The following RXRA variants were observed in gnomAD, a reference collection of about 807,000 sequenced individuals.
RXRA encodes retinoic acid receptor RXR-alpha.
Under a neutral mutation model 44.5 loss-of-function variants are expected in RXRA, and 5 were observed. That is an observed-to-expected ratio of 0.11 (90% CI 0.06 to 0.24). The LOEUF is 0.24. Among genes scored for constraint, RXRA ranks in the 10% least tolerant of loss-of-function variants. RXRA has a pLI of 1.00. For missense variants in RXRA, 412 were observed against 646.5 expected (o/e 0.64, Z 3.93); for synonymous variants, 291 against 271.4 (o/e 1.07, Z -0.71).
intron 1 of RXRA, among the ~76,000 whole-genome samples, chr9:134,356,829 G>A (rs1413219072): frequency 6.6e-6 from 1 of 152,182 alleles, no homozygotes; most frequent in Non-Finnish European, 1.5e-5. Flanking sequence ...CCCCTGCCCT[G>A]CCCCAGCCTC....
At chr9:134,411,275 C>G (rs1276954291) in intron 4 of RXRA, among the ~76,000 whole-genome samples, 1 of 152,168 alleles carries the variant, frequency 6.6e-6, no homozygotes, top group Admixed American at 6.5e-5. Flanking sequence ...CCCCCAAAGC[C>G]TGGGGACGAC....
At chr9:134,350,816 C>T (rs190428506) in intron 1 of RXRA, among the ~76,000 whole-genome samples, 84 of 152,336 alleles carry the variant, frequency 5.5e-4, no homozygotes, top group African/African-American at 1.7e-3. Flanking sequence ...GAGATGCATT[C>T]GAGGGGCTGA....
intron 1 of RXRA, among the ~76,000 whole-genome samples, chr9:134,345,142 T>C (rs1830135067): frequency 6.6e-6 from 1 of 152,184 alleles, no homozygotes; most frequent in African/African-American, 2.4e-5. Context: ...CTGGGACCAC[T>C]GCCAGTGGCT....
chr9:134,427,653 C>T (rs551512673), intron 6 of RXRA, among the ~76,000 whole-genome samples: 11 of 152,204 alleles, frequency 7.2e-5, no homozygotes, highest in African/African-American at 2.2e-4. Context: ...AGAATGGGGA[C>T]GGTGACACCT....
intron 6 of RXRA, chr9:134,423,039 T>C (rs528780568): frequency 1.0e-6 from 1 of 985,456 alleles, no homozygotes; most frequent in South Asian, 4.7e-5. Context: ...GGCTGGGAGC[T>C]CAGCTTTGGG....
intron 4 of RXRA, among the ~76,000 whole-genome samples, chr9:134,412,873 C>A (rs765229541): frequency 1.3e-5 from 2 of 152,230 alleles, no homozygotes; most frequent in Non-Finnish European, 2.9e-5. Context: ...CTGCTTCCTC[C>A]TCCTCCCTCA....
intron 1 of RXRA, among the ~76,000 whole-genome samples, chr9:134,359,244 G>T (rs112046438): frequency 6.6e-6 from 1 of 152,272 alleles, no homozygotes; most frequent in African/African-American, 2.4e-5. Flanking sequence ...GGCAGAGCCA[G>T]GGCCACCTGC....
rs1831641260 is a variant in RXRA at position 134,437,363 on chromosome 9, G to C, written c.*749G>C. ...ACCCCCCTGTTTTCTCTCTGCCTTG[G>C]TGTTCTGGTTTCAGACTCCCGACTC... On this transcript the variant is annotated 3_prime_UTR_variant, in exon 10 of 10. Coordinates refer to ENST00000481739, the MANE Select transcript of RXRA (RefSeq NM_002957.6). The C allele has an allele frequency of 6.5e-6, 1 of 152,874 alleles. No individual in the cohort carries two copies. Among genetic ancestry groups the C allele is most frequent in the Admixed American group, 6.5e-5 (1 of 15,312 alleles). The allele number at this position is 152,874 out of a possible 1,614,324, so 9.5% of individuals were successfully genotyped here.
chr9:134,386,889 C>T (rs558943377), intron 1 of RXRA, among the ~76,000 whole-genome samples: 5 of 152,306 alleles, frequency 3.3e-5, no homozygotes, highest in Non-Finnish European at 7.3e-5. Flanking sequence ...TGGGGTCTGC[C>T]CCACTCCCAT....
chr9:134,423,476 A>G (rs1207716164), intron 6 of RXRA: 1 of 985,452 alleles, frequency 1.0e-6, no homozygotes. Context: ...ATGTTCTGGA[A>G]GTTGCTTGGG....
rs774808546 is a variant in RXRA at position 134,431,980 on chromosome 9, C to T, written c.1119C>T (p.Ile373=). ...DKTELGCLRA[I]VLFNPDSKGL... is the part of the protein sequence containing the mutation. ...CGGAGCTGGGCTGCCTGCGCGCCAT[C>T]GTCCTCTTTAACCCTGGTATGGCCT... The change falls in exon 8 of 10, where the codon ATC becomes ATT. Residue 373 remains isoleucine (I), a synonymous_variant. Coordinates refer to ENST00000481739, the MANE Select transcript of RXRA (RefSeq NM_002957.6). 3.8e-5 allele frequency: 61 copies of T among 1,613,812 alleles called. No individual in the cohort carries two copies. In the South Asian group the frequency reaches 4.0e-4, roughly 10 times the overall value.
At chr9:134,406,968 G>A (rs1170134134) in intron 2 of RXRA, among the ~76,000 whole-genome samples, 2 of 152,190 alleles carry the variant, frequency 1.3e-5, no homozygotes, top group African/African-American at 2.4e-5. Flanking sequence ...GTGGCCACCC[G>A]CTTCTCCAGT....
Position 134,410,921 on chromosome 9 carries a change from T to C in RXRA, c.610+1802T>C, listed in dbSNP as rs1018029635. Among the ~76,000 whole-genome samples, 8 of 152,208 alleles carry C rather than the reference T, an allele frequency of 5.3e-5. No individual in the cohort carries two copies. In the South Asian group the frequency reaches 8.3e-4, roughly 16 times the overall value. On this transcript the variant is annotated intron_variant, in intron 4 of 9. Transcript: ENST00000481739. ...CTGTCCTTTGAAAGTGATCATCAGA[T>C]AACCAGGGGGGGCCCAGGGGGCAGC...
At position 134,365,490 on chromosome 9, in the gene RXRA, C is replaced by T. The variant is rs117019992; in HGVS notation, c.29-36142C>T. ...GGTTTGCTCATGGGGTGGACCAGGCCGCTGCCCCTGCCTCCTGTCTCTGGC... is the reference window on the plus strand; with the variant it reads ...GGTTTGCTCATGGGGTGGACCAGGCTGCTGCCCCTGCCTCCTGTCTCTGGC... On this transcript the variant is annotated intron_variant, in intron 1 of 9. Coordinates refer to ENST00000481739, the MANE Select transcript of RXRA (RefSeq NM_002957.6). The surrounding 1 kb of genome is among the most constrained non-coding windows in gnomAD (Gnocchi z 4.0). 2.5e-3 allele frequency among the ~76,000 whole-genome samples: 379 copies of T among 152,210 alleles called. 3 individuals are homozygous for T. The highest frequency in any genetic ancestry group is 4.2e-3 in the Non-Finnish European group (289 of 68,004).
At chr9:134,435,380 T>TC (rs1186649372) in intron 9 of RXRA, among the ~76,000 whole-genome samples, 3 of 144,484 alleles carry the variant, frequency 2.1e-5, no homozygotes, top group Non-Finnish European at 4.6e-5. Flanking sequence ...GCCCCAGACT[T>TC]CCCCCCTCCC....
At chr9:134,387,314 C>G (rs1391737433) in intron 1 of RXRA, among the ~76,000 whole-genome samples, 2 of 152,266 alleles carry the variant, frequency 1.3e-5, no homozygotes, top group Non-Finnish European at 2.9e-5. Context: ...GGTGCCTTCA[C>G]AGATGTCCCT....
intron 1 of RXRA, among the ~76,000 whole-genome samples, chr9:134,336,462 C>T (rs1486300876): frequency 1.3e-5 from 2 of 152,200 alleles, no homozygotes; most frequent in East Asian, 1.9e-4. Flanking sequence ...TCCTTCTTCC[C>T]TCTTCGTCTT....
chr9:134,327,361 C>G (rs1834933243), intron 1 of RXRA, among the ~76,000 whole-genome samples: 1 of 152,180 alleles, frequency 6.6e-6, no homozygotes, highest in South Asian at 2.1e-4. Flanking sequence ...CCCTCCTCCT[C>G]CTGCCATCCC....
At chr9:134,376,081 A>G (rs1392577267) in intron 1 of RXRA, among the ~76,000 whole-genome samples, 1 of 151,888 alleles carries the variant, frequency 6.6e-6, no homozygotes, top group African/African-American at 2.4e-5. Context: ...AATGGAATTC[A>G]GATTTGTGTT....
Sources: allele counts gnomAD v4.1 joint callset (sites outside exome capture counted in the v4.1 genomes callset), GRCh38; gene constraint gnomAD v4.1.1; non-coding constraint Gnocchi (gnomAD v3.1); transcripts MANE v1.5; gene names NCBI Gene and HGNC (gene_info 2026-07-23, HGNC 2026-07-21).